Variants in KLHL3 observed in about 807,000 individuals in gnomAD.
The protein encoded by KLHL3 is kelch-like protein 3.
Under a neutral mutation model 70.5 loss-of-function variants are expected in KLHL3, and 19 were observed. The observed-to-expected ratio is 0.27, with a 90% CI of 0.19 to 0.40. The LOEUF (loss-of-function observed/expected upper bound fraction) is 0.40. Among genes scored for constraint, KLHL3 ranks in the 10% least tolerant of loss-of-function variants. The pLI is 1.00. For synonymous variants in KLHL3, 258 were observed against 290.3 expected, an observed-to-expected ratio of 0.89 and a Z score of 1.13; for missense variants, 512 against 771.1, an observed-to-expected ratio of 0.66 and a Z score of 3.98.
intron 7 of KLHL3, among the ~76,000 whole-genome samples, chr5:137,659,492 A>G (rs1004167396): frequency 6.6e-6 from 1 of 152,154 alleles, no homozygotes; most frequent in African/African-American, 2.4e-5. Context: ...GTCCCCAAGA[A>G]CTGTTTTCCT....
chr5:137,648,093 A>C (rs1751101159), intron 8 of KLHL3, among the ~76,000 whole-genome samples: 1 of 152,238 alleles, frequency 6.6e-6, no homozygotes, highest in Non-Finnish European at 1.5e-5. Flanking sequence ...GGTGCTAAAA[A>C]ACAGATTCCC....
chr5:137,637,333 T>C lies in KLHL3; in HGVS notation c.1282A>G (p.Asn428Asp), dbSNP rs1239063952. ...ACACCCACACTGCTCCGCCGCGTGT[T>C]CATCGGGGCCACAAAGAACCACTCG... The part of the protein sequence containing the change: ...TNEWFFVAPM[N>D]TRRSSVGVGV... The change falls in exon 11 of 15, where the codon AAC (asparagine) becomes GAC (aspartate). Residue 428 changes from asparagine (N) to aspartate (D), a missense_variant. Coordinates refer to ENST00000309755, the MANE Select transcript of KLHL3 (RefSeq NM_017415.3). 6.2e-7 allele frequency: 1 copy of C among 1,614,086 alleles called. No individual in the cohort carries two copies. The highest frequency in any genetic ancestry group is 8.5e-7 in the Non-Finnish European group (1 of 1,179,950).
At chr5:137,682,307 G>A (rs1365933307) in intron 5 of KLHL3, among the ~76,000 whole-genome samples, 2 of 151,032 alleles carry the variant, frequency 1.3e-5, no homozygotes, top group Non-Finnish European at 2.9e-5. Context: ...AGTATCTTAG[G>A]TACCAAGATA....
chr5:137,640,047 C>A (rs1279078769), intron 8 of KLHL3, 70 bp from the exon 9 acceptor site: 3 of 1,284,674 alleles, frequency 2.3e-6, no homozygotes, highest in Non-Finnish European at 3.4e-6. Context: ...CTGGTACTTC[C>A]ACATGGCTTA....
In KLHL3 at chr5:137,709,799, G is replaced by A. The variant is rs376768519; in HGVS notation, c.192C>T (p.His64=). The change falls in exon 3 of 15, where the codon CAC becomes CAT. Residue 64 remains histidine (H), a synonymous_variant. Transcript: ENST00000309755. ...GGCTGCAGGCTGCCAGGACCACACG[G>A]TGGGCTTCTATCTCGACATCTTCTG... ...IVAEDVEIEA[H]RVVLAACSPY... The A allele has an allele frequency of 3.0e-5, 49 of 1,614,024 alleles. No individual in the cohort carries two copies. Among genetic ancestry groups the A allele is most frequent in the Non-Finnish European group, 4.0e-5 (47 of 1,180,022 alleles).
intron 8 of KLHL3, among the ~76,000 whole-genome samples, chr5:137,655,600 A>G (rs1751316427): frequency 6.6e-6 from 1 of 152,218 alleles, no homozygotes; most frequent in Admixed American, 6.5e-5. Flanking sequence ...ATTACTATAA[A>G]CAAGAGGCAA....
chr5:137,715,003 C>T (rs1269186552), intron 2 of KLHL3, among the ~76,000 whole-genome samples: 1 of 152,164 alleles, frequency 6.6e-6, no homozygotes, highest in Non-Finnish European at 1.5e-5. Flanking sequence ...TTCTCTCTGC[C>T]CCTTCTTTTC....
In KLHL3 at chr5:137,669,507, ACT is replaced by A. The variant is rs1304716741; in HGVS notation, c.637-7478_637-7477del. On this transcript the variant is annotated intron_variant, in intron 6 of 14. Transcript: ENST00000309755. Reference sequence around the variant, plus strand: ...ATGAAAAAATTAAAACGGTAACATCACTTGGCCTGGAAATTGTTCTTCAGCTT... The same window carrying A: ...ATGAAAAAATTAAAACGGTAACATCATGGCCTGGAAATTGTTCTTCAGCTT... 5.3e-3 allele frequency among the ~76,000 whole-genome samples: 800 copies of A among 151,644 alleles called. 5 individuals carry two copies. Among genetic ancestry groups the A allele is most frequent in the Non-Finnish European group, 9.4e-3 (637 of 67,492 alleles).
At position 137,645,791 on chromosome 5, in the gene KLHL3, AAG is replaced by A. The variant is rs1263287842; in HGVS notation, c.904-5816_904-5815del. On this transcript the variant is annotated intron_variant, in intron 8 of 14. Transcript: ENST00000309755. ...TACCAATGACATTCTTCACAAAAAT[AAG>A]AAAAAAAAAAATCTAAAACTCATAT... 5.1e-4 allele frequency among the ~76,000 whole-genome samples: 3 copies of A among 5,876 alleles called. No individual in the cohort carries two copies. In the East Asian group the frequency reaches 0.38, roughly 735 times the overall value. The allele number at this position is 5,876 out of a possible 152,430, so 3.9% of individuals were successfully genotyped here.
At chr5:137,706,359 G>A in intron 3 of KLHL3, 1 of 985,270 alleles carries the variant, frequency 1.0e-6, no homozygotes, top group Non-Finnish European at 1.2e-6. Context: ...ACAAAATTTT[G>A]CAATGTTACT....
chr5:137,639,997 C>G lies in KLHL3; in HGVS notation c.904-20G>C, dbSNP rs775997727. The stretch of plus-strand genomic sequence containing the variant: ...CATGACCTCCGGAGAGACAAGTGGA[C>G]GTTAGCGGGGTCACCCCAAAATCTG... On this transcript the variant is annotated intron_variant, in intron 8 of 14. Coordinates refer to ENST00000309755, the MANE Select transcript of KLHL3 (RefSeq NM_017415.3). This position sits in a 1 kb window ranked among gnomAD's most constrained non-coding sequence, Gnocchi z 5.0. 13 of 1,605,752 alleles carry G rather than the reference C, an allele frequency of 8.1e-6. No homozygotes were observed. The highest frequency in any genetic ancestry group is 1.1e-5 in the Non-Finnish European group (13 of 1,172,536).
intron 6 of KLHL3, among the ~76,000 whole-genome samples, chr5:137,663,003 G>A (rs1054603450): frequency 3.3e-5 from 5 of 150,586 alleles, no homozygotes; most frequent in Admixed American, 6.6e-5. Flanking sequence ...ATTATTAAAG[G>A]AGTATCCATA....
At chr5:137,643,025 T>C (rs1364661540) in intron 8 of KLHL3, among the ~76,000 whole-genome samples, 3 of 152,264 alleles carry the variant, frequency 2.0e-5, no homozygotes, top group African/African-American at 7.2e-5. Context: ...AATTTTTTAA[T>C]GTTAAAGTAA....
intron 7 of KLHL3, among the ~76,000 whole-genome samples, chr5:137,658,753 T>C (rs1751404950): frequency 2.0e-5 from 3 of 152,278 alleles, no homozygotes; most frequent in South Asian, 2.1e-4. Flanking sequence ...TTTGGAGGCA[T>C]TGAGTAAAAT....
chr5:137,624,962 G>C (rs116763787), intron 14 of KLHL3, among the ~76,000 whole-genome samples: 216 of 152,326 alleles, frequency 1.4e-3, no homozygotes, highest in African/African-American at 4.9e-3. Context: ...AGCTGGGGTA[G>C]CACAAAGGGC....
At chr5:137,653,043 C>A (rs1010543824) in intron 8 of KLHL3, 1 of 150,872 alleles carries the variant, frequency 6.6e-6, no homozygotes, top group African/African-American at 2.4e-5. Flanking sequence ...GAGATTGAGA[C>A]CATCCTGGCT....
intron 2 of KLHL3, among the ~76,000 whole-genome samples, chr5:137,715,050 C>T (rs564720606): frequency 1.3e-5 from 2 of 152,356 alleles, no homozygotes; most frequent in African/African-American, 4.8e-5. Context: ...AGAAGGCCCA[C>T]AGCCCCATTT....
At chr5:137,662,849 T>C (rs1751516094) in intron 6 of KLHL3, among the ~76,000 whole-genome samples, 1 of 152,142 alleles carries the variant, frequency 6.6e-6, no homozygotes, top group Non-Finnish European at 1.5e-5. Flanking sequence ...TGCATTCTCG[T>C]TGACTTTAAA....
intron 8 of KLHL3, chr5:137,647,432 G>A: frequency 9.3e-6 from 3 of 323,966 alleles, no homozygotes; most frequent in South Asian, 2.2e-5. Context: ...CCCTAGCCCT[G>A]GCCTCAGGAC....
Sources: allele counts gnomAD v4.1 joint callset (sites outside exome capture counted in the v4.1 genomes callset), GRCh38; gene constraint gnomAD v4.1.1; non-coding constraint Gnocchi (gnomAD v3.1); transcripts MANE v1.5; gene names NCBI Gene and HGNC (gene_info 2026-07-23, HGNC 2026-07-21).